Variants in THOC7 observed in about 807,000 individuals in gnomAD.
THOC7 encodes NIF3L1-binding protein 1.
Under a neutral mutation model 33.1 loss-of-function variants are expected in THOC7, and 22 were observed. The observed-to-expected ratio is 0.66, with a 90% CI of 0.47 to 0.95. The LOEUF is 0.95. THOC7 is among the 40% of genes least tolerant of loss of function. THOC7 has a pLI of 0.00. For synonymous variants in THOC7, 77 were observed against 76.8 expected (o/e 1.00, Z -0.01); for missense variants, 184 against 245.3 (o/e 0.75, Z 1.67).
At chr3:63,838,984 A>T (rs573618829) in intron 2 of THOC7, among the ~76,000 whole-genome samples, 1 of 152,326 alleles carries the variant, frequency 6.6e-6, no homozygotes, top group Admixed American at 6.5e-5. Flanking sequence ...TAATGCTAGA[A>T]GTTTGACACC....
chr3:63,836,489 G>T, intron 4 of THOC7, 131 bp from the exon 5 acceptor site: 1 of 787,744 alleles, frequency 1.3e-6, no homozygotes, highest in Non-Finnish European at 2.1e-6. Context: ...ACTGAAAGAT[G>T]AGTATTGCCA....
At chr3:63,852,529 G>A (rs1243916394) in intron 1 of THOC7, among the ~76,000 whole-genome samples, 3 of 152,174 alleles carry the variant, frequency 2.0e-5, no homozygotes, top group Non-Finnish European at 4.4e-5. Context: ...TCTAGCAGAG[G>A]CTGGGTGGGG....
chr3:63,839,219 G>A (rs531775124), intron 2 of THOC7, among the ~76,000 whole-genome samples: 1 of 152,206 alleles, frequency 6.6e-6, no homozygotes, highest in East Asian at 1.9e-4. Context: ...ATACGTGTGT[G>A]CGTGTGTATC....
At chr3:63,845,910 T>C (rs915996252) in intron 1 of THOC7, among the ~76,000 whole-genome samples, 2 of 152,200 alleles carry the variant, frequency 1.3e-5, no homozygotes, top group Non-Finnish European at 2.9e-5. Context: ...TGCCATTACA[T>C]GGAATGTTCC....
chr3:63,834,058 C>A lies in THOC7; in HGVS notation c.*74G>T. On this transcript the variant is annotated 3_prime_UTR_variant, in exon 8 of 8. Coordinates refer to ENST00000295899, the MANE Select transcript of THOC7 (RefSeq NM_025075.4). ...GCCAAAACTTTAAATATCTCAAGAG[C>A]ATACCACATTTTAAACACATTATGG... 2 of 1,455,120 alleles carry A rather than the reference C, an allele frequency of 1.4e-6. No individual in the cohort carries two copies. The highest frequency in any genetic ancestry group is 1.9e-6 in the Non-Finnish European group (2 of 1,047,472). The allele number at this position is 1,455,120 out of a possible 1,614,324, so 90.1% of individuals were successfully genotyped here. A position where few individuals can be genotyped will look rare whatever the true frequency, so the allele number is the denominator to read the frequency against.
chr3:63,843,766 T>A (rs1048365352), intron 1 of THOC7, among the ~76,000 whole-genome samples: 2 of 152,096 alleles, frequency 1.3e-5, no homozygotes, highest in African/African-American at 4.8e-5. Context: ...CCAGGCATGG[T>A]GGCTGGTGCC....
intron 1 of THOC7, among the ~76,000 whole-genome samples, chr3:63,857,889 T>C (rs932730235): frequency 1.3e-5 from 2 of 152,236 alleles, no homozygotes; most frequent in Non-Finnish European, 2.9e-5. Context: ...GAAATGTCCA[T>C]CTTGCTTTGA....
At chr3:63,855,589 G>A (rs1702100055) in intron 1 of THOC7, among the ~76,000 whole-genome samples, 1 of 152,156 alleles carries the variant, frequency 6.6e-6, no homozygotes, top group African/African-American at 2.4e-5. Context: ...CATAAACCCA[G>A]ACTAACGTTT....
At chr3:63,845,692 C>T (rs1701876987) in intron 1 of THOC7, among the ~76,000 whole-genome samples, 1 of 152,106 alleles carries the variant, frequency 6.6e-6, no homozygotes, top group African/African-American at 2.4e-5. Context: ...ATGTCATTAG[C>T]TAAGTTGGTC....
At chr3:63,838,147 C>G (rs1701672953) in intron 3 of THOC7, 85 bp from the exon 4 acceptor site, 22 of 1,274,930 alleles carry the variant, frequency 1.7e-5, no homozygotes, top group Non-Finnish European at 2.4e-5. Flanking sequence ...AAATTAACCT[C>G]TATTGGTAAC....
intron 1 of THOC7, among the ~76,000 whole-genome samples, chr3:63,849,657 G>C (rs1701981919): frequency 1.3e-5 from 2 of 152,180 alleles, no homozygotes; most frequent in Non-Finnish European, 2.9e-5. Context: ...ATTGGTCTGT[G>C]ATTATCTTTT....
At chr3:63,845,112 G>C (rs1223269305) in intron 1 of THOC7, 1 of 685,772 alleles carries the variant, frequency 1.5e-6, no homozygotes, top group Non-Finnish European at 2.7e-6. Context: ...CTGGGGGTGG[G>C]GGGTACTATC....
chr3:63,864,219 C>T (rs1442580515), upstream of THOC7, among the ~76,000 whole-genome samples: 1 of 150,240 alleles, frequency 6.7e-6, no homozygotes, highest in Non-Finnish European at 1.5e-5. Flanking sequence ...GGGCCGCCCG[C>T]AGTCGGGGTC....
chr3:63,859,326 T>C (rs1702166069), intron 1 of THOC7, among the ~76,000 whole-genome samples: 1 of 152,224 alleles, frequency 6.6e-6, no homozygotes, highest in Non-Finnish European at 1.5e-5. Context: ...CAATTCAGTC[T>C]CCTTTCCAAA....
At chr3:63,837,694 T>C (rs1220041963) in intron 4 of THOC7, among the ~76,000 whole-genome samples, 1 of 151,518 alleles carries the variant, frequency 6.6e-6, no homozygotes, top group African/African-American at 2.4e-5. Flanking sequence ...GGGTCCAAGA[T>C]GGTAAAAATT....
rs748224623 is a variant in THOC7 at position 63,834,210 on chromosome 3, G to C, written c.548-11C>G. ...AGAGTTTTTCATCATCTGTAATTGA[G>C]AAGGAAACATAAAACCTTAGTCAAG... On this transcript the variant is annotated splice_polypyrimidine_tract_variant and intron_variant, in intron 7 of 7. Coordinates refer to ENST00000295899, the MANE Select transcript of THOC7 (RefSeq NM_025075.4). 2.5e-6 allele frequency: 4 copies of C among 1,613,630 alleles called. No homozygotes were observed. Among genetic ancestry groups the C allele is most frequent in the Non-Finnish European group, 3.4e-6 (4 of 1,179,824 alleles).
At position 63,835,723 on chromosome 3, in the gene THOC7, C is replaced by T. The variant is rs554990120; in HGVS notation, c.411-333G>A. 3.9e-5 allele frequency among the ~76,000 whole-genome samples: 6 copies of T among 152,072 alleles called. No individual in the cohort carries two copies. In the South Asian group the frequency reaches 1.2e-3, roughly 32 times the overall value. On this transcript the variant is annotated intron_variant, in intron 5 of 7. Coordinates refer to ENST00000295899, the MANE Select transcript of THOC7 (RefSeq NM_025075.4). Reference sequence around the variant, plus strand: ...TTTTGGTAAAAGAAATAAAACATTGCCAATTAACTCGAAATACCCTTTGAA... The same window carrying T: ...TTTTGGTAAAAGAAATAAAACATTGTCAATTAACTCGAAATACCCTTTGAA...
chr3:63,863,728 G>T, intron 1 of THOC7, 44 bp downstream of exon 1: 1 of 1,249,240 alleles, frequency 8.0e-7, no homozygotes, highest in Non-Finnish European at 1.0e-6. Context: ...GGGAGGCCCA[G>T]CGGGCCGTGC....
At chr3:63,843,261 G>T (rs891202234) in intron 1 of THOC7, among the ~76,000 whole-genome samples, 3 of 152,004 alleles carry the variant, frequency 2.0e-5, no homozygotes, top group African/African-American at 7.2e-5. Context: ...TGGGATTACA[G>T]GCATGTGCCA....
Sources: allele counts gnomAD v4.1 joint callset (sites outside exome capture counted in the v4.1 genomes callset), GRCh38; gene constraint gnomAD v4.1.1; transcripts MANE v1.5; gene names NCBI Gene and HGNC (gene_info 2026-07-23, HGNC 2026-07-21).